Variants in MTMR10 observed in about 807,000 individuals in gnomAD.
The protein encoded by MTMR10 is myotubularin-related protein 10.
MTMR10 carries 56 observed loss-of-function variants against 88.1 expected under a neutral mutation model. The ratio of observed to expected loss-of-function variants is 0.64; its 90% CI spans 0.51 to 0.79. The LOEUF is 0.79. MTMR10 is among the 30% of genes least tolerant of loss of function. MTMR10 has a pLI of 0.00. For missense variants in MTMR10, 883 were observed against 924.7 expected (o/e 0.95, Z 0.58); for synonymous variants, 380 against 340.9 (o/e 1.11, Z -1.26).
At chr15:30,966,029 G>C (rs756585733) in intron 6 of MTMR10, 1 of 455,584 alleles carries the variant, frequency 2.2e-6, no homozygotes, top group South Asian at 1.6e-5. Context: ...TAAAGATGCA[G>C]TATTTATGCT....
chr15:30,939,363 T>G lies in MTMR10; in HGVS notation c.*2107A>C, dbSNP rs2062961330. The stretch of plus-strand genomic sequence containing the variant: ...CGGGCAGCAGGGGTGCTGAGCTCTC[T>G]CTAGTGCGCCCTGTGCAGCCACACC... On this transcript the variant is annotated 3_prime_UTR_variant, in exon 16 of 16. Transcript: ENST00000435680. The G allele has an allele frequency of 1.0e-6, 1 of 985,342 alleles. No individual in the cohort carries two copies. Among genetic ancestry groups the G allele is most frequent in the South Asian group, 4.7e-5 (1 of 21,294 alleles). The allele number at this position is 985,342 out of a possible 1,614,324, so 61.0% of individuals were successfully genotyped here.
chr15:30,940,313 G>A lies in MTMR10; in HGVS notation c.*1157C>T. 1.0e-6 allele frequency: 1 copy of A among 985,378 alleles called. No individual in the cohort carries two copies. Among genetic ancestry groups the A allele is most frequent in the Non-Finnish European group, 1.2e-6 (1 of 829,882 alleles). 61.0% of individuals were successfully genotyped at this position (985,378 alleles called of 1,614,324 possible). A position where few individuals can be genotyped will look rare whatever the true frequency, so the allele number is the denominator to read the frequency against. ...AGAGATTCAGATCAAGCAAACAACT[G>A]TGTCTGCTCATTCTCCTCAACTTTG... On this transcript the variant is annotated 3_prime_UTR_variant, in exon 16 of 16. Transcript: ENST00000435680.
At chr15:30,985,755 C>G (rs551435807) in intron 2 of MTMR10, among the ~76,000 whole-genome samples, 9 of 152,240 alleles carry the variant, frequency 5.9e-5, no homozygotes, top group African/African-American at 2.2e-4. Context: ...ACAATGAAAC[C>G]CAGGGACTTC....
chr15:30,940,573 C>A lies in MTMR10; in HGVS notation c.*897G>T, dbSNP rs1005420820. 49 of 985,454 alleles carry A rather than the reference C, an allele frequency of 5.0e-5. No homozygotes were observed. In the East Asian group the frequency reaches 6.8e-4, roughly 14 times the overall value. 61.0% of individuals were successfully genotyped at this position (985,454 alleles called of 1,614,324 possible). The stretch of plus-strand genomic sequence containing the variant: ...CAAGCCCAGCACGCCTCCCAGCAAG[C>A]CTTGTTTGTTTTTGAGGGCGAGTTT... On this transcript the variant is annotated 3_prime_UTR_variant, in exon 16 of 16. Coordinates refer to ENST00000435680, the MANE Select transcript of MTMR10 (RefSeq NM_017762.3).
chr15:30,955,435 T>C (rs186352580), intron 9 of MTMR10, among the ~76,000 whole-genome samples: 6 of 152,256 alleles, frequency 3.9e-5, no homozygotes, highest in African/African-American at 1.4e-4. Flanking sequence ...CACACCTGGC[T>C]AAATTTCTGT....
chr15:30,947,100 A>G (rs1318563865), intron 14 of MTMR10, 30 bp downstream of exon 14: 1 of 1,557,644 alleles, frequency 6.4e-7, no homozygotes, highest in East Asian at 2.3e-5. Context: ...AAAACAGGGA[A>G]AACGTAGCCA....
At chr15:30,971,384 C>G (rs2063536043) in intron 5 of MTMR10, among the ~76,000 whole-genome samples, 1 of 152,142 alleles carries the variant, frequency 6.6e-6, no homozygotes, top group Admixed American at 6.6e-5. Flanking sequence ...GGGTGCAGTA[C>G]TGAAGAAACT....
At chr15:30,960,533 G>A (rs2063387186) in intron 7 of MTMR10, among the ~76,000 whole-genome samples, 1 of 152,158 alleles carries the variant, frequency 6.6e-6, no homozygotes, top group African/African-American at 2.4e-5. Context: ...AGAGGTGGGA[G>A]GAGACTGTTG....
intron 5 of MTMR10, among the ~76,000 whole-genome samples, chr15:30,974,052 TA>T (rs889191120): frequency 6.6e-6 from 1 of 152,208 alleles, no homozygotes; most frequent in Non-Finnish European, 1.5e-5. Context: ...GATCTTTATG[TA>T]AAAAAATGCT....
chr15:30,968,284 G>C (rs1228936721), intron 5 of MTMR10: 1 of 271,414 alleles, frequency 3.7e-6, no homozygotes, highest in African/African-American at 2.2e-5. Context: ...AGTAATTTTA[G>C]TCCAATAAAG....
At chr15:30,970,634 C>G (rs769521396) in intron 5 of MTMR10, among the ~76,000 whole-genome samples, 1 of 152,138 alleles carries the variant, frequency 6.6e-6, no homozygotes, top group Non-Finnish European at 1.5e-5. Flanking sequence ...AATTAGAAAG[C>G]AGTTACATGC....
chr15:30,939,001 A>G lies in MTMR10; in HGVS notation c.*2469T>C, dbSNP rs2062950019. On this transcript the variant is annotated 3_prime_UTR_variant, in exon 16 of 16. Transcript: ENST00000435680. ...TTTCCTTCACATTCAATACTGTTGA[A>G]CAACAAGATAACACATCTTCTTGCT... 1.0e-6 allele frequency: 1 copy of G among 985,266 alleles called. No individual in the cohort carries two copies. The highest frequency in any genetic ancestry group is 1.2e-6 in the Non-Finnish European group (1 of 829,778). The allele number at this position is 985,266 out of a possible 1,614,324, so 61.0% of individuals were successfully genotyped here.
At chr15:30,936,047 C>CA (rs1039589591), downstream of MTMR10, among the ~76,000 whole-genome samples, 2 of 151,770 alleles carry the variant, frequency 1.3e-5, no homozygotes, top group African/African-American at 4.8e-5. Flanking sequence ...TTTGGGGACT[C>CA]TAATTAAATG....
At chr15:30,937,673 C>G (rs1194666158), downstream of MTMR10, among the ~76,000 whole-genome samples, 1 of 151,380 alleles carries the variant, frequency 6.6e-6, no homozygotes, top group Non-Finnish European at 1.5e-5. Flanking sequence ...CCAGGTTGGT[C>G]TGGAACTTCT....
At chr15:30,971,321 G>A (rs1421921785) in intron 5 of MTMR10, among the ~76,000 whole-genome samples, 2 of 152,104 alleles carry the variant, frequency 1.3e-5, no homozygotes, top group Admixed American at 1.3e-4. Flanking sequence ...AATCTTCTCT[G>A]GACAGAAGCC....
intron 2 of MTMR10, among the ~76,000 whole-genome samples, chr15:30,979,734 T>G (rs1046419365): frequency 3.3e-5 from 5 of 152,174 alleles, no homozygotes; most frequent in African/African-American, 1.2e-4. Flanking sequence ...CAGCCCTTCT[T>G]CTCTAGAAGC....
Position 30,953,554 on chromosome 15 carries a change from G to A in MTMR10, c.1136+8C>T, listed in dbSNP as rs1466237736. On this transcript the variant is annotated splice_region_variant and intron_variant, in intron 11 of 15. Coordinates refer to ENST00000435680, the MANE Select transcript of MTMR10 (RefSeq NM_017762.3). ...AGTTAAAGGAAAAGAAAGTAAAGAA[G>A]TACAAACCTTACATATTCTAACCAT... The A allele has an allele frequency of 6.6e-7, 1 of 1,526,366 alleles. No individual in the cohort carries two copies. Among genetic ancestry groups the A allele is most frequent in the African/African-American group, 1.4e-5 (1 of 72,194 alleles). 94.6% of individuals were successfully genotyped at this position (1,526,366 alleles called of 1,614,324 possible).
chr15:30,990,886 C>G (rs1201024945), intron 1 of MTMR10, 49 bp from the exon 2 acceptor site: 1 of 1,457,272 alleles, frequency 6.9e-7, no homozygotes, highest in African/African-American at 1.4e-5. Flanking sequence ...CCCCACCCTC[C>G]GTAAAATGCT....
downstream of MTMR10, among the ~76,000 whole-genome samples, chr15:30,936,626 C>T (rs1319626948): frequency 2.0e-5 from 3 of 150,636 alleles, no homozygotes; most frequent in Non-Finnish European, 4.4e-5. Context: ...GCCTTATGTC[C>T]TGATAAATCC....
Sources: allele counts gnomAD v4.1 joint callset (sites outside exome capture counted in the v4.1 genomes callset), GRCh38; gene constraint gnomAD v4.1.1; transcripts MANE v1.5; gene names NCBI Gene and HGNC (gene_info 2026-07-23, HGNC 2026-07-21).